The following MIB1 variants were observed in gnomAD, a reference collection of about 807,000 sequenced individuals.
The protein encoded by MIB1 is E3 ubiquitin-protein ligase MIB1.
Under a neutral mutation model 124.5 loss-of-function variants are expected in MIB1, and 278 were observed. The ratio of observed to expected loss-of-function variants is 2.23; its 90% CI spans 2.02 to 2.47. MIB1 has a LOEUF of 2.47. Among genes scored for constraint, MIB1 ranks in the 30% most tolerant of loss-of-function variants. MIB1 has a pLI of 0.00. For missense variants in MIB1, 957 were observed against 1,254.4 expected, an observed-to-expected ratio of 0.76 and a Z score of 3.58; for synonymous variants, 446 against 429.4, an observed-to-expected ratio of 1.04 and a Z score of -0.48.
Position 21,799,910 on chromosome 18 carries a change from T to G in MIB1, c.1307T>G (p.Val436Gly), listed in dbSNP as rs1268683448. 6.2e-7 allele frequency: 1 copy of G among 1,612,484 alleles called. No homozygotes were observed. Among genetic ancestry groups the G allele is most frequent in the Non-Finnish European group, 8.5e-7 (1 of 1,178,886 alleles). Residue 436 changes from valine to glycine, a missense_variant, in exon 9 of 21, where the codon GTT becomes GGT. Val to Gly is a moderately radical substitution (Grantham distance 109). Transcript: ENST00000261537. ...QESGDLNEEL[V>G]KAAANGDVAK... ...TCTGGTGACCTCAATGAAGAATTAG[T>G]TAAGGCTGCTGCCAATGGAGATGTT...
At chr18:21,711,025 C>T (rs1224308135) in intron 1 of MIB1, among the ~76,000 whole-genome samples, 2 of 151,948 alleles carry the variant, frequency 1.3e-5, no homozygotes, top group Non-Finnish European at 2.9e-5. Context: ...CAGGGTTTCA[C>T]CATGTTGGCC....
intron 1 of MIB1, among the ~76,000 whole-genome samples, chr18:21,713,979 T>C (rs1437888184): frequency 1.3e-5 from 2 of 152,204 alleles, no homozygotes; most frequent in Non-Finnish European, 2.9e-5. Context: ...AAATTTTTAA[T>C]AGGAGCACAA....
chr18:21,736,938 A>G (rs370030616), upstream of MIB1, among the ~76,000 whole-genome samples: 2 of 152,220 alleles, frequency 1.3e-5, no homozygotes, highest in African/African-American at 4.8e-5. Context: ...GTTGGAAAAC[A>G]CTCTTCAGGA....
chr18:21,849,646 A>T (rs916225341), intron 17 of MIB1, among the ~76,000 whole-genome samples: 13 of 152,088 alleles, frequency 8.5e-5, no homozygotes, highest in African/African-American at 3.1e-4. Context: ...TTTTACTGTC[A>T]AATTTTTTTA....
At chr18:21,719,605 C>G (rs2040705374) in intron 1 of MIB1, among the ~76,000 whole-genome samples, 1 of 150,612 alleles carries the variant, frequency 6.6e-6, no homozygotes. Flanking sequence ...CGTCACCACG[C>G]TGGGCTATTT....
chr18:21,784,249 A>G (rs1598609144), intron 6 of MIB1, among the ~76,000 whole-genome samples: 1 of 151,144 alleles, frequency 6.6e-6, no homozygotes, highest in Non-Finnish European at 1.5e-5. Context: ...GGGTTTCACC[A>G]TGTTGGCCAG....
intron 10 of MIB1, among the ~76,000 whole-genome samples, chr18:21,807,702 T>C (rs921914372): frequency 2.6e-5 from 4 of 152,182 alleles, no homozygotes; most frequent in Non-Finnish European, 5.9e-5. Context: ...TCAGGACAGC[T>C]CTCACAACAG....
intron 10 of MIB1, among the ~76,000 whole-genome samples, chr18:21,815,093 A>G (rs1265997144): frequency 7.0e-6 from 1 of 142,102 alleles, no homozygotes; most frequent in Non-Finnish European, 1.5e-5. Flanking sequence ...AAATAAATAA[A>G]TACATATATA....
chr18:21,796,783 A>G (rs1390621465), intron 7 of MIB1, among the ~76,000 whole-genome samples: 1 of 152,152 alleles, frequency 6.6e-6, no homozygotes. Flanking sequence ...ACCAGGTAAC[A>G]AGGAAGCTGT....
intron 17 of MIB1, among the ~76,000 whole-genome samples, chr18:21,851,300 G>GAGAGGAA (rs1252533655): frequency 6.6e-6 from 1 of 152,186 alleles, no homozygotes; most frequent in Non-Finnish European, 1.5e-5. Context: ...GAACAGAGGA[G>GAGAGGAA]AGAGGAAAGA....
chr18:21,866,021 C>T lies in MIB1; in HGVS notation c.*1355C>T, dbSNP rs1660301958. ...ATAAATGTTTGGGGATTCATTGCTG[C>T]TAGATTATATCAGGTGTTTACATAG... On this transcript the variant is annotated 3_prime_UTR_variant, in exon 21 of 21. Transcript: ENST00000261537. 6.6e-6 allele frequency: 1 copy of T among 152,156 alleles called. No individual in the cohort carries two copies. The highest frequency in any genetic ancestry group is 6.5e-5 in the Admixed American group (1 of 15,278). 9.4% of individuals were successfully genotyped at this position (152,156 alleles called of 1,614,324 possible). A position where few individuals can be genotyped will look rare whatever the true frequency, so the allele number is the denominator to read the frequency against.
chr18:21,715,585 A>C (rs1325030916), intron 1 of MIB1, among the ~76,000 whole-genome samples: 1 of 152,170 alleles, frequency 6.6e-6, no homozygotes, highest in Non-Finnish European at 1.5e-5. Context: ...CACCAGAGAA[A>C]GGTGAAGCTC....
At chr18:21,847,181 G>A in intron 16 of MIB1, 56 bp downstream of exon 16, 1 of 1,415,426 alleles carries the variant, frequency 7.1e-7, no homozygotes, top group Non-Finnish European at 9.7e-7. Flanking sequence ...ATATCATGTG[G>A]TTTCGTAATG....
intron 11 of MIB1, chr18:21,817,818 A>G: frequency 3.8e-6 from 1 of 260,518 alleles, no homozygotes; most frequent in Non-Finnish European, 7.8e-6. Context: ...CAAACCATGC[A>G]GGAAATATGT....
chr18:21,824,078 G>A (rs1311345132), intron 12 of MIB1, among the ~76,000 whole-genome samples: 2 of 152,096 alleles, frequency 1.3e-5, no homozygotes, highest in Non-Finnish European at 2.9e-5. Flanking sequence ...AAAAACAATC[G>A]ATAGGTATTT....
chr18:21,815,846 A>G (rs779440967), intron 11 of MIB1, 33 bp downstream of exon 11: 2 of 1,573,110 alleles, frequency 1.3e-6, no homozygotes, highest in African/African-American at 1.3e-5. Flanking sequence ...TCCTGCAGGT[A>G]TTGCTAGGAT....
At chr18:21,858,859 G>A (rs1189393208) in intron 20 of MIB1, among the ~76,000 whole-genome samples, 1 of 152,100 alleles carries the variant, frequency 6.6e-6, no homozygotes, top group African/African-American at 2.4e-5. Context: ...TGAAAAAATG[G>A]TCCAACCACA....
At chr18:21,828,879 T>G (rs1337251818) in intron 12 of MIB1, 1 of 306,644 alleles carries the variant, frequency 3.3e-6, no homozygotes, top group Non-Finnish European at 6.6e-6. Flanking sequence ...CCTTTTTTTT[T>G]TGGTGTTAGT....
chr18:21,707,589 C>A (rs1365971424), intron 1 of MIB1, among the ~76,000 whole-genome samples: 2 of 152,158 alleles, frequency 1.3e-5, no homozygotes, highest in African/African-American at 4.8e-5. Context: ...GCCAGGGAGA[C>A]CACGAACCCA....
Sources: gnomAD v4.1 joint callset for allele counts (sites outside exome capture counted in the v4.1 genomes callset) on GRCh38, gnomAD v4.1.1 for gene constraint, MANE v1.5 for transcripts, NCBI Gene and HGNC (gene_info 2026-07-23, HGNC 2026-07-21) for gene names.